Variants in DDX4 observed in about 807,000 individuals in gnomAD.
The protein encoded by DDX4 is probable ATP-dependent RNA helicase DDX4.
DDX4 carries 25 observed loss-of-function variants against 100.0 expected under a neutral mutation model. That is an observed-to-expected ratio of 0.25 (90% CI 0.18 to 0.35). The LOEUF is 0.35. DDX4 is among the 10% of genes least tolerant of loss of function. DDX4 has a pLI of 1.00. For missense variants in DDX4, 635 were observed against 882.4 expected (o/e 0.72, Z 3.55); for synonymous variants, 259 against 275.7 (o/e 0.94, Z 0.60).
At chr5:55,774,773 T>C (rs1316861994) in intron 7 of DDX4, among the ~76,000 whole-genome samples, 1 of 152,226 alleles carries the variant, frequency 6.6e-6, no homozygotes, top group African/African-American at 2.4e-5. Flanking sequence ...ATGTTTTATA[T>C]TGATGTGTCT....
chr5:55,778,440 A>C (rs1364964827), intron 7 of DDX4, among the ~76,000 whole-genome samples: 1 of 152,352 alleles, frequency 6.6e-6, no homozygotes, highest in East Asian at 1.9e-4. Context: ...CTTTTCTCAG[A>C]AAAAATAATG....
chr5:55,771,249 A>AT (rs1435215528), intron 7 of DDX4, among the ~76,000 whole-genome samples: 1 of 152,194 alleles, frequency 6.6e-6, no homozygotes, highest in African/African-American at 2.4e-5. Context: ...AGGTCATGAA[A>AT]TACAAATTAC....
rs1580571315 is a variant in DDX4 at position 55,785,358 on chromosome 5, A to G, written c.673+14A>G. 6.2e-7 allele frequency: 1 copy of G among 1,601,978 alleles called. No individual in the cohort carries two copies. The highest frequency in any genetic ancestry group is 1.3e-5 in the African/African-American group (1 of 74,650). On this transcript the variant is annotated intron_variant, in intron 11 of 21. Transcript: ENST00000505374. ...GCTCTGGAAAGAGTAAGTTTTCCTTAAACAAGGTGTTTGATTTTTATAGTG... is the reference window on the plus strand; with the variant it reads ...GCTCTGGAAAGAGTAAGTTTTCCTTGAACAAGGTGTTTGATTTTTATAGTG...
chr5:55,815,694 T>C (rs1350775154), intron 21 of DDX4, among the ~76,000 whole-genome samples: 2 of 152,106 alleles, frequency 1.3e-5, no homozygotes, highest in Non-Finnish European at 2.9e-5. Context: ...GATGGAATTA[T>C]TTAATTTTTG....
At position 55,814,824 on chromosome 5, in the gene DDX4, T is replaced by C. The variant is rs537309746; in HGVS notation, c.1716-77T>C. 34 of 1,488,252 alleles carry C rather than the reference T, an allele frequency of 2.3e-5. No individual in the cohort carries two copies. The East Asian group carries it at 7.7e-4, about 34-fold the overall frequency. 92.2% of individuals were successfully genotyped at this position (1,488,252 alleles called of 1,614,324 possible). A position where few individuals can be genotyped will look rare whatever the true frequency, so the allele number is the denominator to read the frequency against. On this transcript the variant is annotated intron_variant, in intron 19 of 21. Coordinates refer to ENST00000505374, the MANE Select transcript of DDX4 (RefSeq NM_024415.3). ...TATTCATACTATTATTAAAAAGAAATTTGTATGTTGAACTTTAATGATTCA... is the reference window on the plus strand; with the variant it reads ...TATTCATACTATTATTAAAAAGAAACTTGTATGTTGAACTTTAATGATTCA...
Position 55,786,382 on chromosome 5 carries a change from A to C in DDX4, c.865-136A>C, listed in dbSNP as rs528868582. ...GCTTTGAATATTTACTTCTGAGTGG[A>C]GGCATGTTACTAAAGTCACTTTAGT... On this transcript the variant is annotated intron_variant, in intron 13 of 21. Coordinates refer to ENST00000505374, the MANE Select transcript of DDX4 (RefSeq NM_024415.3). The C allele has an allele frequency of 1.0e-5, 6 of 580,248 alleles. No individual in the cohort carries two copies. The African/African-American group carries it at 1.1e-4, about 11-fold the overall frequency. The allele number at this position is 580,248 out of a possible 1,614,324, so 35.9% of individuals were successfully genotyped here. A position where few individuals can be genotyped will look rare whatever the true frequency, so the allele number is the denominator to read the frequency against.
At chr5:55,783,633 AGATGGATGGATGGATGGATG>A (rs59794903) in intron 10 of DDX4, among the ~76,000 whole-genome samples, 6 of 146,638 alleles carry the variant, frequency 4.1e-5, no homozygotes, top group Non-Finnish European at 9.0e-5. Flanking sequence ...AGGAGGGAGG[AGATGGATGGATGGATGGATG>A]GATGGATGGA....
intron 18 of DDX4, among the ~76,000 whole-genome samples, chr5:55,811,862 G>A (rs1301079009): frequency 6.6e-6 from 1 of 152,038 alleles, no homozygotes; most frequent in African/African-American, 2.4e-5. Flanking sequence ...ACAGATTTCC[G>A]TTTTCATACT....
rs199859316 is a variant in DDX4 at position 55,816,512 on chromosome 5, A to G, written c.2147A>G (p.Asn716Ser). The change falls in exon 22 of 22, where the codon AAT becomes AGT. Residue 716 changes from asparagine to serine, a missense_variant. Physicochemically the swap from Asn to Ser is conservative, Grantham distance 46. Transcript: ENST00000505374. ...TAGFSSSQAP[N>S]PVDDESWD The stretch of plus-strand genomic sequence containing the variant: ...GGGTTTTCTTCTTCACAAGCTCCCA[A>G]TCCAGTAGATGATGAGTCATGGGAT... 25 of 1,613,018 alleles carry G rather than the reference A, an allele frequency of 1.5e-5. No individual in the cohort carries two copies. The highest frequency in any genetic ancestry group is 1.5e-5 in the Non-Finnish European group (18 of 1,179,678).
intron 7 of DDX4, among the ~76,000 whole-genome samples, chr5:55,772,277 C>A (rs1741302194): frequency 6.6e-6 from 1 of 152,146 alleles, no homozygotes; most frequent in Non-Finnish European, 1.5e-5. Context: ...AATCAATATA[C>A]ATTTTTTTTC....
intron 3 of DDX4, among the ~76,000 whole-genome samples, chr5:55,753,162 T>C (rs1371097420): frequency 1.3e-5 from 2 of 152,190 alleles, no homozygotes; most frequent in Non-Finnish European, 2.9e-5. Flanking sequence ...GTAGTTTCTT[T>C]TGCTGTGCAG....
chr5:55,756,657 G>T (rs1759955250), intron 3 of DDX4, among the ~76,000 whole-genome samples: 1 of 152,042 alleles, frequency 6.6e-6, no homozygotes, highest in Admixed American at 6.5e-5. Context: ...TTAAGTTCTT[G>T]TTCAATATTT....
chr5:55,801,258 A>G (rs1447203554), intron 18 of DDX4, among the ~76,000 whole-genome samples: 1 of 151,102 alleles, frequency 6.6e-6, no homozygotes. Context: ...ATTTTTTTAA[A>G]GCTCATCAGC....
chr5:55,778,960 T>C, intron 7 of DDX4, among the ~76,000 whole-genome samples: 1 of 151,702 alleles, frequency 6.6e-6, no homozygotes, highest in Non-Finnish European at 1.5e-5. Flanking sequence ...ATAACACTAA[T>C]ATGTTGCTTA....
intron 3 of DDX4, 28 bp downstream of exon 3, chr5:55,746,249 C>G (rs775432520): frequency 6.3e-7 from 1 of 1,588,542 alleles, no homozygotes; most frequent in Non-Finnish European, 8.6e-7. Flanking sequence ...AAGGTAAAAC[C>G]CTTTTTAGTT....
In DDX4 at chr5:55,786,773, CA is replaced by C. The variant is rs1742273709; in HGVS notation, c.1017+104del. On this transcript the variant is annotated intron_variant, in intron 14 of 21. Transcript: ENST00000505374. ...TGAGTAGAAGGTTTGTAGATGGTTT[CA>C]GTTACCTGTCATAAGTATTGATGGT... 4.7e-6 allele frequency: 4 copies of C among 848,768 alleles called. No homozygotes were observed. In the South Asian group the frequency reaches 6.6e-5, roughly 14 times the overall value. 52.6% of individuals were successfully genotyped at this position (848,768 alleles called of 1,614,324 possible). A position where few individuals can be genotyped will look rare whatever the true frequency, so the allele number is the denominator to read the frequency against.
chr5:55,743,774 G>A (rs982911186), intron 2 of DDX4, among the ~76,000 whole-genome samples: 1 of 152,078 alleles, frequency 6.6e-6, no homozygotes, highest in African/African-American at 2.4e-5. Flanking sequence ...AATTATTTTT[G>A]ATGTATTTTT....
At chr5:55,747,968 A>G (rs935655268) in intron 3 of DDX4, among the ~76,000 whole-genome samples, 13 of 152,220 alleles carry the variant, frequency 8.5e-5, no homozygotes, top group African/African-American at 2.9e-4. Context: ...AACCTGGCCT[A>G]TGGTGGAAAA....
At chr5:55,813,401 T>C (rs554439666) in intron 18 of DDX4, among the ~76,000 whole-genome samples, 4 of 152,266 alleles carry the variant, frequency 2.6e-5, no homozygotes, top group Admixed American at 6.5e-5. Flanking sequence ...GCAGATATGA[T>C]TTACCTTTCC....
Sources: gnomAD v4.1 joint callset for allele counts (sites outside exome capture counted in the v4.1 genomes callset) on GRCh38, gnomAD v4.1.1 for gene constraint, MANE v1.5 for transcripts, NCBI Gene and HGNC (gene_info 2026-07-23, HGNC 2026-07-21) for gene names.